The following EIF4A1 variants were observed in gnomAD, a reference collection of about 807,000 sequenced individuals.
The protein encoded by EIF4A1 is eukaryotic translation initiation factor 4A1, also known as eukaryotic initiation factor 4A-I.
EIF4A1 carries 11 observed loss-of-function variants against 53.5 expected under a neutral mutation model. The observed-to-expected ratio is 0.21, with a 90% CI of 0.13 to 0.34. The LOEUF is 0.34. Ranked by LOEUF, EIF4A1 falls within the 10% of genes least tolerant of loss-of-function variation. The probability of loss-of-function intolerance (pLI) is 1.00; values close to 1 mark genes in which losing one functional copy is unlikely to be tolerated. For missense variants in EIF4A1, 213 were observed against 530.8 expected (o/e 0.40, Z 5.88); for synonymous variants, 237 against 186.7 (o/e 1.27, Z -2.20).
intron 1 of EIF4A1, chr17:7,573,199 T>C: frequency 2.0e-6 from 1 of 493,242 alleles, no homozygotes; most frequent in South Asian, 2.2e-5. Flanking sequence ...GCCGCCACTA[T>C]GTGTGGCCCA....
Position 7,575,109 on chromosome 17 carries a change from ATTTG to A in EIF4A1, c.206-6_206-3del, listed in dbSNP as rs1567733769. The stretch of plus-strand genomic sequence containing the variant: ...CTTTACCACATTCAACTCCTAATTT[ATTTG>A]TTTAGGTTATGATGTGATTGCTCAA... On this transcript the variant is annotated splice_polypyrimidine_tract_variant and splice_region_variant and intron_variant, in intron 3 of 10. Transcript: ENST00000293831. 3.1e-6 allele frequency: 5 copies of A among 1,611,298 alleles called. No homozygotes were observed. The highest frequency in any genetic ancestry group is 4.2e-6 in the Non-Finnish European group (5 of 1,179,406).
chr17:7,572,907 C>G, intron 1 of EIF4A1, 43 bp downstream of exon 1: 2 of 1,614,118 alleles, frequency 1.2e-6, no homozygotes, highest in Non-Finnish European at 1.7e-6. Flanking sequence ...CTTATTTTGC[C>G]GCCCCCTTCC....
chr17:7,576,454 G>T, intron 4 of EIF4A1, 70 bp from the exon 5 acceptor site: 1 of 1,479,224 alleles, frequency 6.8e-7, no homozygotes, highest in South Asian at 1.4e-5. Flanking sequence ...ATCAATACAT[G>T]AAAAACATTT....
chr17:7,578,266 T>C, intron 10 of EIF4A1, 22 bp downstream of exon 10: 1 of 1,614,020 alleles, frequency 6.2e-7, no homozygotes, highest in Non-Finnish European at 8.5e-7. Context: ...TCTGGAACAC[T>C]CCCCTACCCC....
intron 1 of EIF4A1, chr17:7,573,570 C>T (rs1178083796): frequency 7.1e-6 from 1 of 139,976 alleles, no homozygotes; most frequent in Non-Finnish European, 1.6e-5. Flanking sequence ...GACGCTACTT[C>T]GCGACGGGGG....
chr17:7,573,966 G>C (rs1481416562), intron 1 of EIF4A1: 1 of 416,520 alleles, frequency 2.4e-6, no homozygotes, highest in Admixed American at 4.0e-5. Flanking sequence ...TGGACCCGGC[G>C]GCAAGCACCA....
In EIF4A1 at chr17:7,572,894, C is replaced by T. The variant is rs772074911; in HGVS notation, c.23+30C>T. On this transcript the variant is annotated intron_variant, in intron 1 of 10. Transcript: ENST00000293831. ...GAAAGGCATTTGCAAGAGATTGTGG[C>T]TGCTTATTTTGCCGCCCCCTTCCGA... The T allele has an allele frequency of 3.7e-6, 6 of 1,614,162 alleles. No individual in the cohort carries two copies. In the Admixed American group the frequency reaches 8.3e-5, roughly 22 times the overall value.
At position 7,577,121 on chromosome 17, in the gene EIF4A1, G is replaced by A. The variant is rs1246790916; in HGVS notation, c.580G>A (p.Asp194Asn). The change falls in exon 6 of 11, where the codon GAC (aspartate) becomes AAC (asparagine). Residue 194 changes from aspartate (D) to asparagine (N), a missense_variant. Asp to Asn is a conservative substitution (Grantham distance 23). Around this residue, in one of 4 missense-constraint regions of EIF4A1, gnomAD observed 119 missense variants for 351.0 expected, o/e 0.34. Coordinates refer to ENST00000293831, the MANE Select transcript of EIF4A1 (RefSeq NM_001416.4). This position sits in a 1 kb window ranked among gnomAD's most constrained non-coding sequence, Gnocchi z 4.7. Reference protein sequence around the residue: ...ADEMLSRGFKDQIYDIFQKLN... With the variant: ...ADEMLSRGFKNQIYDIFQKLN... ...CGAAATGTTAAGCCGTGGATTCAAG[G>A]ACCAGATCTATGACATATTCCAAAA... 1 of 1,610,802 alleles carries A rather than the reference G, an allele frequency of 6.2e-7. No individual in the cohort carries two copies. Among genetic ancestry groups the A allele is most frequent in the Non-Finnish European group, 8.5e-7 (1 of 1,179,106 alleles).
chr17:7,573,377 G>A (rs990828837), intron 1 of EIF4A1: 1 of 187,804 alleles, frequency 5.3e-6, no homozygotes, highest in Non-Finnish European at 1.1e-5. Context: ...GCCGTTCAGT[G>A]TGCTGGTTTT....
In EIF4A1 at chr17:7,578,221, C is replaced by T. The variant is rs1430736669; in HGVS notation, c.1053C>T (p.Thr351=). 4.3e-6 allele frequency: 7 copies of T among 1,614,142 alleles called. No individual in the cohort carries two copies. The highest frequency in any genetic ancestry group is 5.9e-6 in the Non-Finnish European group (7 of 1,180,024). ...TAGTCATCAACTATGACCTTCCCAC[C>T]AACAGGGAAAACTATATCCACAGGT... ...VSLVINYDLP[T]NRENYIHRIG... is the part of the protein sequence containing the mutation. Residue 351 remains threonine, a synonymous_variant, in exon 10 of 11, where the codon ACC becomes ACT. Coordinates refer to ENST00000293831, the MANE Select transcript of EIF4A1 (RefSeq NM_001416.4).
At chr17:7,578,088 A>G (rs117966698) in intron 9 of EIF4A1, 77 bp from the exon 10 acceptor site, 47 of 1,604,404 alleles carry the variant, frequency 2.9e-5, no homozygotes, top group Non-Finnish European at 3.7e-5. Flanking sequence ...GGCTGCCCAC[A>G]TGGATGCCTA....
At chr17:7,574,129 A>T in intron 1 of EIF4A1, 131 bp from the exon 2 acceptor site, 1 of 1,002,938 alleles carries the variant, frequency 1.0e-6, no homozygotes, top group Admixed American at 2.3e-5. Context: ...ATTTTTTGGG[A>T]GCTGGTGGGA....
chr17:7,572,899 T>G (rs765561401), intron 1 of EIF4A1, 35 bp downstream of exon 1: 1 of 1,613,966 alleles, frequency 6.2e-7, no homozygotes. Context: ...TGTGGCTGCT[T>G]ATTTTGCCGC....
At chr17:7,576,138 C>T (rs981283416) in intron 4 of EIF4A1, 1 of 157,862 alleles carries the variant, frequency 6.3e-6, no homozygotes, top group Non-Finnish European at 1.4e-5. Context: ...CATTGCACTC[C>T]AGCCTGGGCA....
Position 7,577,928 on chromosome 17 carries a change from G to A in EIF4A1, c.996+12G>A, listed in dbSNP as rs2071423148. The A allele has an allele frequency of 1.2e-6, 2 of 1,614,042 alleles. No individual in the cohort carries two copies. The highest frequency in any genetic ancestry group is 1.7e-6 in the Non-Finnish European group (2 of 1,180,012). ...CCACTGACCTGCTGGTGAGTAGAGGGAACTGATAGCAAAGGCAGAAGGGAG... is the reference window on the plus strand; with the variant it reads ...CCACTGACCTGCTGGTGAGTAGAGGAAACTGATAGCAAAGGCAGAAGGGAG... On this transcript the variant is annotated intron_variant, in intron 9 of 10. Transcript: ENST00000293831. This position sits in a 1 kb window ranked among gnomAD's most constrained non-coding sequence, Gnocchi z 4.7.
At chr17:7,574,918 G>C in intron 3 of EIF4A1, 1 of 1,004,130 alleles carries the variant, frequency 1.0e-6, no homozygotes, top group Non-Finnish European at 1.6e-6. Context: ...AGTCCAGCTT[G>C]GTGTGCAATA....
Position 7,574,701 on chromosome 17 carries a change from G to A in EIF4A1, c.205+23G>A, listed in dbSNP as rs374223924. 11 of 1,611,790 alleles carry A rather than the reference G, an allele frequency of 6.8e-6. No homozygotes were observed. The African/African-American group carries it at 9.4e-5, about 14-fold the overall frequency. ...AGGGTGAGACCTCTCAGTCCCAGAA[G>A]ACATTGTGGACTGTCCCTGACCTGG... On this transcript the variant is annotated intron_variant, in intron 3 of 10. Coordinates refer to ENST00000293831, the MANE Select transcript of EIF4A1 (RefSeq NM_001416.4).
chr17:7,577,338 C>T lies in EIF4A1; in HGVS notation c.625-6C>T. On this transcript the variant is annotated splice_region_variant and splice_polypyrimidine_tract_variant and intron_variant, in intron 6 of 10. Coordinates refer to ENST00000293831, the MANE Select transcript of EIF4A1 (RefSeq NM_001416.4). This position sits in a 1 kb window ranked among gnomAD's most constrained non-coding sequence, Gnocchi z 4.7. ...GCACTCTAAGACTGGCCTTTTTTTC[C>T]ACTAGGTAGTTTTGCTGTCAGCCAC... 1.9e-6 allele frequency: 3 copies of T among 1,612,428 alleles called. No homozygotes were observed. The highest frequency in any genetic ancestry group is 2.5e-6 in the Non-Finnish European group (3 of 1,179,482).
rs948284334 is a variant in EIF4A1 at position 7,574,107 on chromosome 17, C to A, written c.24-153C>A. On this transcript the variant is annotated intron_variant, in intron 1 of 10. Coordinates refer to ENST00000293831, the MANE Select transcript of EIF4A1 (RefSeq NM_001416.4). ...CAAATGCCTCAGTTTTATAGAAACT[C>A]CTCCTTTGGGTATTTTTTGGGAGCT... is the stretch of plus-strand genomic sequence containing the variant. 3 of 840,694 alleles carry A rather than the reference C, an allele frequency of 3.6e-6. No individual in the cohort carries two copies. In the South Asian group the frequency reaches 4.9e-5, roughly 14 times the overall value. The allele number at this position is 840,694 out of a possible 1,614,324, so 52.1% of individuals were successfully genotyped here.
Sources: gnomAD v4.1 joint callset for allele counts on GRCh38, gnomAD v4.1.1 for gene constraint, gnomAD v4.1.1 regional missense constraint, Gnocchi (gnomAD v3.1) non-coding constraint, MANE v1.5 for transcripts, NCBI Gene and HGNC (gene_info 2026-07-23, HGNC 2026-07-21) for gene names.